The following CFAP46 variants were observed in gnomAD, a reference collection of about 807,000 sequenced individuals.
The protein encoded by CFAP46 is cilia- and flagella-associated protein 46.
Under a neutral mutation model 325.7 loss-of-function variants are expected in CFAP46, and 245 were observed. The ratio of observed to expected loss-of-function variants is 0.75; its 90% CI spans 0.68 to 0.84. CFAP46 has a LOEUF of 0.84. Ranked by LOEUF, CFAP46 falls within the 40% of genes least tolerant of loss-of-function variation. The pLI, the probability that CFAP46 is intolerant of heterozygous loss-of-function variation, is 0.00. For missense variants in CFAP46, 3,346 were observed against 3,543.0 expected, an observed-to-expected ratio of 0.94 and a Z score of 1.41; for synonymous variants, 1,523 against 1,495.9, an observed-to-expected ratio of 1.02 and a Z score of -0.42.
Position 132,898,835 on chromosome 10 carries a change from G to C in CFAP46, c.3219+124C>G, listed in dbSNP as rs138915802. The C allele has an allele frequency of 6.1e-4, 805 of 1,311,902 alleles. 4 individuals are homozygous for C. In the African/African-American group the frequency reaches 9.8e-3, roughly 16 times the overall value. 81.3% of individuals were successfully genotyped at this position (1,311,902 alleles called of 1,614,324 possible). A position where few individuals can be genotyped will look rare whatever the true frequency, so the allele number is the denominator to read the frequency against. ...CTTAACCCCCTCCCCTCCTCGGCTG[G>C]TGCTGGTGCACCCTCTGGGAGGCCT... On this transcript the variant is annotated intron_variant, in intron 24 of 57. Coordinates refer to ENST00000368586, the MANE Select transcript of CFAP46 (RefSeq NM_001200049.3).
chr10:132,821,466 T>A (rs1352815919), intron 50 of CFAP46, among the ~76,000 whole-genome samples: 4 of 117,836 alleles, frequency 3.4e-5, no homozygotes, highest in African/African-American at 1.4e-4. Context: ...TGTGTGCTGA[T>A]GTGTGTTGTG....
intron 50 of CFAP46, among the ~76,000 whole-genome samples, chr10:132,821,853 ATGTGTGCTGTGTGTGC>A (rs1177397220): frequency 1.1e-4 from 12 of 109,264 alleles, no homozygotes; most frequent in East Asian, 8.9e-4. Flanking sequence ...GTGAGCGCTG[ATGTGTGCTGTGTGTGC>A]TGTGTGCTGT....
At position 132,828,015 on chromosome 10, in the gene CFAP46, C is replaced by T. The variant is rs927176160; in HGVS notation, c.7117+5343G>A. 6.6e-6 allele frequency among the ~76,000 whole-genome samples: 1 copy of T among 151,940 alleles called. No individual in the cohort carries two copies. Among genetic ancestry groups the T allele is most frequent in the Non-Finnish European group, 1.5e-5 (1 of 68,030 alleles). On this transcript the variant is annotated intron_variant, in intron 50 of 57. Coordinates refer to ENST00000368586, the MANE Select transcript of CFAP46 (RefSeq NM_001200049.3). The surrounding 1 kb of genome is among the most constrained non-coding windows in gnomAD (Gnocchi z 4.9). The stretch of plus-strand genomic sequence containing the variant: ...GCCCCGTCTACGCTGTCCCACGCAC[C>T]AACAGCTCGCCCCTCATTGCCGGGC...
At chr10:132,920,241 C>T (rs1405753160) in intron 13 of CFAP46, 59 bp from the exon 14 acceptor site, 3 of 1,469,066 alleles carry the variant, frequency 2.0e-6, no homozygotes, top group Admixed American at 5.1e-5. Context: ...CGGGGACGTG[C>T]CCATCAGTAA....
chr10:132,850,180 G>T, intron 41 of CFAP46, 64 bp downstream of exon 41: 1 of 1,494,522 alleles, frequency 6.7e-7, no homozygotes, highest in Non-Finnish European at 9.1e-7. Context: ...CACTTCGCTT[G>T]TGTTTTTCAG....
At chr10:132,941,518 C>G in intron 3 of CFAP46, 73 bp downstream of exon 3, 1 of 1,542,176 alleles carries the variant, frequency 6.5e-7, no homozygotes, top group South Asian at 1.2e-5. Flanking sequence ...TAAGCCTGGT[C>G]TAGCCTGGCA....
rs868558750 is a variant in CFAP46, at chr10:132,923,191, C to T, written c.1257-483G>A. 3.9e-5 allele frequency among the ~76,000 whole-genome samples: 6 copies of T among 151,968 alleles called. No homozygotes were observed. In the South Asian group the frequency reaches 8.3e-4, roughly 21 times the overall value. On this transcript the variant is annotated intron_variant, in intron 11 of 57. Transcript: ENST00000368586. Reference sequence around the variant, plus strand: ...GTAGGGGTACCCCGGAACCCCTGGCCTCAAGCAGCCATGTGGGGGTGCCCC... The same window carrying T: ...GTAGGGGTACCCCGGAACCCCTGGCTTCAAGCAGCCATGTGGGGGTGCCCC...
chr10:132,919,539 T>A lies in CFAP46; in HGVS notation c.1731-97A>T. 7.0e-7 allele frequency: 1 copy of A among 1,438,786 alleles called. No individual in the cohort carries two copies. The highest frequency in any genetic ancestry group is 9.2e-7 in the Non-Finnish European group (1 of 1,084,336). The allele number at this position is 1,438,786 out of a possible 1,614,324, so 89.1% of individuals were successfully genotyped here. A position where few individuals can be genotyped will look rare whatever the true frequency, so the allele number is the denominator to read the frequency against. ...GGCTGGCTGCCTGAGAAAAGGCCAC[T>A]GTGGCTCTGCAGTTTCAAGGTGGCA... On this transcript the variant is annotated intron_variant, in intron 14 of 57. Coordinates refer to ENST00000368586, the MANE Select transcript of CFAP46 (RefSeq NM_001200049.3). The surrounding 1 kb of genome is among the most constrained non-coding windows in gnomAD (Gnocchi z 9.7).
At position 132,834,710 on chromosome 10, in the gene CFAP46, C is replaced by G. The variant is rs759903479; in HGVS notation, c.6810G>C (p.Gly2270=). 11 of 1,612,928 alleles carry G rather than the reference C, an allele frequency of 6.8e-6. No homozygotes were observed. Among genetic ancestry groups the G allele is most frequent in the Non-Finnish European group, 9.3e-6 (11 of 1,179,888 alleles). ...GCGGCTGCAGAAGCTCCTCCAGGGGCCCCAGGACGCTACTGAGCCTCTGCA... is the reference window on the plus strand; with the variant it reads ...GCGGCTGCAGAAGCTCCTCCAGGGGGCCCAGGACGCTACTGAGCCTCTGCA... ...RPVQRLSSVL[G]PLEELLQPLF... is the part of the protein sequence containing the mutation. Residue 2270 remains glycine (G), a synonymous_variant, in exon 48 of 58, where the codon GGG becomes GGC. Coordinates refer to ENST00000368586, the MANE Select transcript of CFAP46 (RefSeq NM_001200049.3).
Position 132,834,135 on chromosome 10 carries a change from G to C in CFAP46, c.6867-12C>G. The C allele has an allele frequency of 6.2e-7, 1 of 1,613,552 alleles. No homozygotes were observed. Among genetic ancestry groups the C allele is most frequent in the Non-Finnish European group, 8.5e-7 (1 of 1,179,616 alleles). ...CAGGTGTCTGCACTCTGAAAGTCAG[G>C]TTATATATTCGGGTTTAAGAAACAG... On this transcript the variant is annotated splice_polypyrimidine_tract_variant and intron_variant, in intron 48 of 57. Coordinates refer to ENST00000368586, the MANE Select transcript of CFAP46 (RefSeq NM_001200049.3).
Position 132,919,883 on chromosome 10 carries a change from C to T in CFAP46, c.1730+176G>A, listed in dbSNP as rs958725782. On this transcript the variant is annotated intron_variant, in intron 14 of 57. Coordinates refer to ENST00000368586, the MANE Select transcript of CFAP46 (RefSeq NM_001200049.3). The surrounding 1 kb of genome is among the most constrained non-coding windows in gnomAD (Gnocchi z 9.7). ...GCTGTCATCACAGGCTGGGGGGTCC[C>T]GTCTGTGGCGGGACTCCCAGGCAGG... Among the ~76,000 whole-genome samples, 1 of 152,080 alleles carries T rather than the reference C, an allele frequency of 6.6e-6. No individual in the cohort carries two copies. The highest frequency in any genetic ancestry group is 2.4e-5 in the African/African-American group (1 of 41,436).
intron 48 of CFAP46, 41 bp from the exon 49 acceptor site, chr10:132,834,164 T>A: frequency 6.3e-7 from 1 of 1,590,522 alleles, no homozygotes. Flanking sequence ...GAAACAGAGA[T>A]AACAAACGCT....
chr10:132,848,460 C>T (rs1442986866), intron 41 of CFAP46, among the ~76,000 whole-genome samples: 1 of 151,586 alleles, frequency 6.6e-6, no homozygotes, highest in Non-Finnish European at 1.5e-5. Context: ...GAGAAGCCTT[C>T]GTTCTCCAGG....
Position 132,850,726 on chromosome 10 carries a change from C to T in CFAP46, c.5764-294G>A, listed in dbSNP as rs10747072. Among the ~76,000 whole-genome samples, 99,284 of 152,126 alleles carry T rather than the reference C, an allele frequency of 0.65. 32,862 individuals carry two copies. The highest frequency in any genetic ancestry group is 0.73 in the African/African-American group (30,398 of 41,504). On this transcript the variant is annotated intron_variant, in intron 40 of 57. Transcript: ENST00000368586. ...ATGTTTCATGAAGTCTCAGAAAACT[C>T]AAAATGGAAGAATGTATATTTCCCT...
chr10:132,809,221 C>T (rs1230738104), intron 57 of CFAP46, among the ~76,000 whole-genome samples: 2 of 152,222 alleles, frequency 1.3e-5, no homozygotes, highest in Admixed American at 6.5e-5. Context: ...TGCGGCCTTG[C>T]AGGAAGCAGC....
chr10:132,875,863 C>G (rs990858388), intron 31 of CFAP46, among the ~76,000 whole-genome samples: 4 of 152,190 alleles, frequency 2.6e-5, no homozygotes, highest in African/African-American at 7.2e-5. Flanking sequence ...AAGGAAAAGA[C>G]TAATGACTCT....
At chr10:132,910,246 A>C (rs1591085358) in intron 19 of CFAP46, 178 bp from the exon 20 acceptor site, 1 of 528,460 alleles carries the variant, frequency 1.9e-6, no homozygotes, top group South Asian at 5.8e-5. Context: ...ATGAAGCCCC[A>C]CCCCCAGACG....
At position 132,809,889 on chromosome 10, in the gene CFAP46, G is replaced by A. The variant is rs1023810937; in HGVS notation, c.7664+520C>T. On this transcript the variant is annotated intron_variant, in intron 57 of 57. Coordinates refer to ENST00000368586, the MANE Select transcript of CFAP46 (RefSeq NM_001200049.3). ...ATGTGACAGGCAGGCTGCTCTCCAG[G>A]ACGCCAATGGGAGACACCCCTCAAC... is the stretch of plus-strand genomic sequence containing the variant. Among the ~76,000 whole-genome samples the A allele has an allele frequency of 1.1e-4, 16 of 152,240 alleles. 1 individual carries two copies. Among genetic ancestry groups the A allele is most frequent in the Admixed American group, 5.2e-4 (8 of 15,284 alleles).
At chr10:132,860,653 G>T in intron 36 of CFAP46, 129 bp downstream of exon 36, 1 of 1,208,870 alleles carries the variant, frequency 8.3e-7, no homozygotes, top group Non-Finnish European at 1.2e-6. Context: ...TGTGTCTGAG[G>T]GTGGGGCAGG....
Sources: gnomAD v4.1 joint callset for allele counts (sites outside exome capture counted in the v4.1 genomes callset) on GRCh38, gnomAD v4.1.1 for gene constraint, Gnocchi (gnomAD v3.1) non-coding constraint, MANE v1.5 for transcripts, NCBI Gene and HGNC (gene_info 2026-07-23, HGNC 2026-07-21) for gene names.